The following WDR49 variants were observed in gnomAD, a reference collection of about 807,000 sequenced individuals.
The protein encoded by WDR49 is cilia- and flagella-associated protein 337.
In WDR49, 107 loss-of-function variants were observed where a neutral mutation model predicts 119.5. The observed-to-expected ratio is 0.90, with a 90% CI of 0.77 to 1.05. The LOEUF (loss-of-function observed/expected upper bound fraction) is 1.05. WDR49 is among the 50% of genes least tolerant of loss of function. The pLI is 0.00. For synonymous variants in WDR49, 425 were observed against 418.8 expected (o/e 1.01, Z -0.18); for missense variants, 1,240 against 1,220.5 (o/e 1.02, Z -0.24).
intron 5 of WDR49, among the ~76,000 whole-genome samples, chr3:167,616,225 G>T (rs1716590168): frequency 6.6e-6 from 1 of 152,090 alleles, no homozygotes; most frequent in Admixed American, 6.6e-5. Context: ...AAAAGAAAGA[G>T]GCTAAATGAT....
chr3:167,525,827 T>C (rs1247195836), intron 15 of WDR49, among the ~76,000 whole-genome samples: 1 of 143,878 alleles, frequency 7.0e-6, no homozygotes, highest in Non-Finnish European at 1.5e-5. Flanking sequence ...GTGATTCTAA[T>C]TTTTGTTTTT....
chr3:167,652,584 T>C (rs1243090606), intron 2 of WDR49, among the ~76,000 whole-genome samples: 1 of 152,236 alleles, frequency 6.6e-6, no homozygotes, highest in African/African-American at 2.4e-5. Flanking sequence ...TCATTATGCA[T>C]AGCTGCAGAA....
chr3:167,581,437 G>C (rs183669069), intron 7 of WDR49, among the ~76,000 whole-genome samples: 2 of 151,940 alleles, frequency 1.3e-5, no homozygotes, highest in African/African-American at 4.8e-5. Flanking sequence ...TGTCAAATTT[G>C]TCTACAATGT....
Position 167,527,919 on chromosome 3 carries a change from C to T in WDR49, c.2505G>A (p.Met835Ile), listed in dbSNP as rs757041957. 1.9e-6 allele frequency: 3 copies of T among 1,613,330 alleles called. No homozygotes were observed. Among genetic ancestry groups the T allele is most frequent in the Admixed American group, 1.7e-5 (1 of 59,872 alleles). The change falls in exon 15 of 19, where the codon ATG becomes ATA. Residue 835 changes from methionine to isoleucine, a missense_variant. Transcript: ENST00000682715. ...PHEDRISSLE[M>I]CEPGGQLLII... Reference sequence around the variant, plus strand: ...TCAGTAACTGACCACCTGGCTCACACATCTCTAAGGAACTTATTCGGTCCT... The same window carrying T: ...TCAGTAACTGACCACCTGGCTCACATATCTCTAAGGAACTTATTCGGTCCT...
intron 5 of WDR49, among the ~76,000 whole-genome samples, chr3:167,615,676 A>T (rs1370120356): frequency 6.6e-6 from 1 of 152,164 alleles, no homozygotes; most frequent in Non-Finnish European, 1.5e-5. Context: ...GAAATTCTTT[A>T]AAAAAGAAAA....
intron 7 of WDR49, among the ~76,000 whole-genome samples, chr3:167,580,059 T>C (rs956206385): frequency 6.6e-6 from 1 of 152,168 alleles, no homozygotes; most frequent in African/African-American, 2.4e-5. Flanking sequence ...GTCACATAAA[T>C]TATATGATAA....
chr3:167,504,776 G>A (rs1751703115), intron 17 of WDR49, among the ~76,000 whole-genome samples: 1 of 152,120 alleles, frequency 6.6e-6, no homozygotes, highest in Non-Finnish European at 1.5e-5. Flanking sequence ...CAGTGTTGGA[G>A]ACGGGGCCTG....
At chr3:167,522,222 A>T (rs1229454341) in intron 16 of WDR49, 93 bp downstream of exon 16, 2 of 1,295,252 alleles carry the variant, frequency 1.5e-6, no homozygotes, top group African/African-American at 3.0e-5. Context: ...GTCATTGAAC[A>T]TTCCACAGAG....
At chr3:167,512,191 C>A (rs1040761747) in intron 16 of WDR49, among the ~76,000 whole-genome samples, 9 of 152,040 alleles carry the variant, frequency 5.9e-5, no homozygotes, top group African/African-American at 2.2e-4. Flanking sequence ...AAACCTCATA[C>A]AGGAGAGCTC....
At chr3:167,619,710 G>T (rs1300042112) in intron 5 of WDR49, among the ~76,000 whole-genome samples, 1 of 151,804 alleles carries the variant, frequency 6.6e-6, no homozygotes, top group Non-Finnish European at 1.5e-5. Flanking sequence ...CTTTTCAGTG[G>T]GCATTCTTTA....
intron 11 of WDR49, among the ~76,000 whole-genome samples, chr3:167,533,597 A>T (rs1752923271): frequency 1.3e-5 from 2 of 151,950 alleles, no homozygotes; most frequent in Admixed American, 1.3e-4. Flanking sequence ...TATATTGAAT[A>T]CTGAATATTG....
Position 167,583,017 on chromosome 3 carries a change from GAA to G in WDR49, c.1276-6868_1276-6867del, listed in dbSNP as rs141071932. On this transcript the variant is annotated intron_variant, in intron 7 of 18. Transcript: ENST00000682715. Reference sequence around the variant, plus strand: ...ATAGAGAGAGAAAGAGAGAGAGAGAGAAAAACAAATTTGCAATAAATTTAACT... The same window carrying G: ...ATAGAGAGAGAAAGAGAGAGAGAGAGAAACAAATTTGCAATAAATTTAACT... Among the ~76,000 whole-genome samples the G allele has an allele frequency of 6.8e-3, 1,031 of 151,502 alleles. 52 individuals are homozygous for G. The East Asian group carries it at 0.13, about 20-fold the overall frequency.
At chr3:167,629,446 C>G (rs77702758) in intron 2 of WDR49, among the ~76,000 whole-genome samples, 1 of 152,022 alleles carries the variant, frequency 6.6e-6, no homozygotes, top group Non-Finnish European at 1.5e-5. Flanking sequence ...AGAGCTCCAA[C>G]GGAGATGTAC....
chr3:167,538,930 A>G (rs1458189549), intron 10 of WDR49, among the ~76,000 whole-genome samples: 1 of 152,158 alleles, frequency 6.6e-6, no homozygotes, highest in Non-Finnish European at 1.5e-5. Flanking sequence ...ATAAAATTCA[A>G]ATGTGGAGCT....
At chr3:167,525,074 G>A (rs1752586555) in intron 15 of WDR49, among the ~76,000 whole-genome samples, 1 of 151,904 alleles carries the variant, frequency 6.6e-6, no homozygotes, top group African/African-American at 2.4e-5. Flanking sequence ...TGTCCTCCCT[G>A]ATTTCCTTGA....
chr3:167,550,780 A>ATTTTTT (rs1560281510), intron 10 of WDR49, among the ~76,000 whole-genome samples: 2 of 136,344 alleles, frequency 1.5e-5, no homozygotes, highest in Admixed American at 7.3e-5. Flanking sequence ...TTTTTTTTTG[A>ATTTTTT]GAGAGAGAGA....
intron 2 of WDR49, among the ~76,000 whole-genome samples, chr3:167,649,178 G>A (rs886866533): frequency 2.0e-5 from 3 of 152,096 alleles, no homozygotes; most frequent in Non-Finnish European, 4.4e-5. Flanking sequence ...TTTGGAGTAT[G>A]AGACACGTCT....
chr3:167,595,443 G>T (rs967041676), intron 7 of WDR49, among the ~76,000 whole-genome samples: 2 of 152,126 alleles, frequency 1.3e-5, no homozygotes, highest in Admixed American at 6.5e-5. Context: ...AAATCTGGAG[G>T]CATCACACTA....
chr3:167,630,654 T>G lies in WDR49; in HGVS notation c.166-3362A>C, dbSNP rs147283798. On this transcript the variant is annotated intron_variant, in intron 2 of 18. Transcript: ENST00000682715. The stretch of plus-strand genomic sequence containing the variant: ...CATAACAAAGAACAGTGAAGCCACA[T>G]GCAATTGATTCTTGCTGTTCGTGGT... Among the ~76,000 whole-genome samples, 346 of 152,260 alleles carry G rather than the reference T, an allele frequency of 2.3e-3. 1 individual carries two copies. The highest frequency in any genetic ancestry group is 7.8e-3 in the African/African-American group (323 of 41,568).
Sources: allele counts gnomAD v4.1 joint callset (sites outside exome capture counted in the v4.1 genomes callset), GRCh38; gene constraint gnomAD v4.1.1; transcripts MANE v1.5; gene names NCBI Gene and HGNC (gene_info 2026-07-23, HGNC 2026-07-21).